SLC45A4: variants seen among roughly 807,000 people sequenced by gnomAD.
SLC45A4 encodes the protein solute carrier family 45 member 4.
In SLC45A4, 32 loss-of-function variants were observed where a neutral mutation model predicts 63.7. The ratio of observed to expected loss-of-function variants is 0.50; its 90% CI spans 0.38 to 0.67. The LOEUF (loss-of-function observed/expected upper bound fraction) is 0.67. SLC45A4 is among the 30% of genes least tolerant of loss of function. The pLI is 0.00. For synonymous variants in SLC45A4, 535 were observed against 510.0 expected (o/e 1.05, Z -0.66); for missense variants, 1,027 against 1,157.7 (o/e 0.89, Z 1.64).
chr8:141,304,374 C>A (rs973833602), intron 1 of SLC45A4, among the ~76,000 whole-genome samples: 24 of 152,086 alleles, frequency 1.6e-4, no homozygotes, highest in African/African-American at 5.8e-4. Flanking sequence ...GCCTGGCCAA[C>A]ATGGTGAAAC....
At chr8:141,296,126 T>G (rs1830540414) in intron 1 of SLC45A4, among the ~76,000 whole-genome samples, 1 of 151,820 alleles carries the variant, frequency 6.6e-6, no homozygotes, top group Non-Finnish European at 1.5e-5. Flanking sequence ...AAGCCAGGAG[T>G]TTGAGACCAG....
intron 1 of SLC45A4, among the ~76,000 whole-genome samples, chr8:141,266,242 C>T (rs552323787): frequency 2.8e-4 from 42 of 152,348 alleles, no homozygotes; most frequent in East Asian, 7.7e-4. Context: ...CCCCTACACA[C>T]GAAGCGCATG....
intron 1 of SLC45A4, among the ~76,000 whole-genome samples, chr8:141,303,244 G>A (rs1830802145): frequency 6.6e-6 from 1 of 151,412 alleles, no homozygotes; most frequent in Non-Finnish European, 1.5e-5. Flanking sequence ...CAATCTGCCC[G>A]CCTCAGCCGC....
intron 2 of SLC45A4, among the ~76,000 whole-genome samples, chr8:141,245,939 A>G (rs879832402): frequency 3.9e-5 from 6 of 152,150 alleles, no homozygotes; most frequent in Non-Finnish European, 8.8e-5. Context: ...CAACTCCTCT[A>G]CTGATGCTGA....
chr8:141,276,651 C>A (rs1246658242), intron 1 of SLC45A4, among the ~76,000 whole-genome samples: 2 of 152,184 alleles, frequency 1.3e-5, no homozygotes, highest in African/African-American at 4.8e-5. Flanking sequence ...CAGCACTGCA[C>A]TCACAGGTAT....
In SLC45A4 at chr8:141,211,221, T is replaced by C. The variant is rs1825784497; in HGVS notation, c.*351A>G. ...CAAATGGTTTAGAGACGAATCAAAG[T>C]GCAGTGAAAGTCAACGTTTCCTTCC... On this transcript the variant is annotated 3_prime_UTR_variant, in exon 9 of 9. Transcript: ENST00000517878. 1 of 435,198 alleles carries C rather than the reference T, an allele frequency of 2.3e-6. No individual in the cohort carries two copies. The highest frequency in any genetic ancestry group is 4.1e-6 in the Non-Finnish European group (1 of 246,788). 27.0% of individuals were successfully genotyped at this position (435,198 alleles called of 1,614,324 possible).
At chr8:141,272,717 C>T (rs560248079) in intron 1 of SLC45A4, among the ~76,000 whole-genome samples, 6 of 152,296 alleles carry the variant, frequency 3.9e-5, no homozygotes, top group Admixed American at 2.6e-4. Flanking sequence ...GTGGTGCTGT[C>T]CTAGGCACAC....
At chr8:141,271,951 TCA>T (rs1022493483) in intron 1 of SLC45A4, among the ~76,000 whole-genome samples, 22 of 150,368 alleles carry the variant, frequency 1.5e-4, no homozygotes, top group African/African-American at 4.7e-4. Flanking sequence ...ACACATGCAC[TCA>T]CACGTGTGCA....
chr8:141,236,583 G>T (rs143549995), intron 2 of SLC45A4, among the ~76,000 whole-genome samples: 40 of 152,308 alleles, frequency 2.6e-4, no homozygotes, highest in African/African-American at 8.9e-4. Context: ...CTATCCTTCT[G>T]TAAGATCTAA....
At chr8:141,277,728 C>T (rs1163846425) in intron 1 of SLC45A4, among the ~76,000 whole-genome samples, 1 of 152,072 alleles carries the variant, frequency 6.6e-6, no homozygotes, top group Non-Finnish European at 1.5e-5. Context: ...CAAGCTCCGC[C>T]TCCCGGGTTC....
chr8:141,227,102 A>G lies in SLC45A4; in HGVS notation c.242-5337T>C, dbSNP rs1827051230. 6.6e-6 allele frequency among the ~76,000 whole-genome samples: 1 copy of G among 152,058 alleles called. No individual in the cohort carries two copies. Among genetic ancestry groups the G allele is most frequent in the Admixed American group, 6.6e-5 (1 of 15,262 alleles). ...CATTTCCCAGCCCGGCTCCAAACAC[A>G]CACAACGCTGGGCCCAGTAAATAAG... On this transcript the variant is annotated intron_variant, in intron 2 of 8. Coordinates refer to ENST00000517878, the MANE Select transcript of SLC45A4 (RefSeq NM_001286646.2). This position sits in a 1 kb window ranked among gnomAD's most constrained non-coding sequence, Gnocchi z 4.4.
chr8:141,288,487 C>A (rs576317945), intron 1 of SLC45A4, among the ~76,000 whole-genome samples: 4 of 152,214 alleles, frequency 2.6e-5, no homozygotes, highest in Admixed American at 6.5e-5. Flanking sequence ...ATGGGGACCA[C>A]GCCTGGTTGG....
intron 2 of SLC45A4, chr8:141,226,892 C>T (rs1454218813): frequency 6.6e-6 from 1 of 152,258 alleles, no homozygotes; most frequent in Non-Finnish European, 1.5e-5. Flanking sequence ...CAGGGGACAG[C>T]TTCCTTTGTT....
rs1422688956 is a variant in SLC45A4 at position 141,272,006 on chromosome 8, AAC to A, written c.-400-17379_-400-17378del. Among the ~76,000 whole-genome samples the A allele has an allele frequency of 3.7e-4, 56 of 151,998 alleles. 1 individual carries two copies. The highest frequency in any genetic ancestry group is 4.2e-4 in the South Asian group (2 of 4,806). ...CATGCACCCATACACGTGTGCATGC[AAC>A]ACACACCTGCGTACACACATGCATT... is the stretch of plus-strand genomic sequence containing the variant. On this transcript the variant is annotated intron_variant, in intron 1 of 8. Transcript: ENST00000517878.
At chr8:141,279,945 G>T (rs191244925) in intron 1 of SLC45A4, among the ~76,000 whole-genome samples, 2 of 152,216 alleles carry the variant, frequency 1.3e-5, no homozygotes, top group African/African-American at 4.8e-5. Context: ...CTTGGGACTC[G>T]CCTACATGAG....
At chr8:141,219,604 G>C (rs763599198) in intron 4 of SLC45A4, 46 bp downstream of exon 4, 1 of 1,562,446 alleles carries the variant, frequency 6.4e-7, no homozygotes, top group East Asian at 2.3e-5. Context: ...CACCAGGCCC[G>C]GGCACGTTGG....
At chr8:141,221,439 G>A (rs1826624137) in intron 3 of SLC45A4, 138 bp downstream of exon 3, 11 of 1,107,792 alleles carry the variant, frequency 9.9e-6, no homozygotes, top group Non-Finnish European at 1.4e-5. Context: ...CACCGCCAGG[G>A]TGGCCCCGGC....
At chr8:141,224,452 G>GTTTTGTTTT (rs71276846) in intron 2 of SLC45A4, 2 of 151,866 alleles carry the variant, frequency 1.3e-5, no homozygotes, top group Non-Finnish European at 2.9e-5. Context: ...TGAGTTTTTT[G>GTTTTGTTTT]GTTTTGTTTT....
intron 2 of SLC45A4, among the ~76,000 whole-genome samples, chr8:141,252,099 A>G (rs1431806074): frequency 1.3e-5 from 2 of 150,916 alleles, no homozygotes; most frequent in African/African-American, 2.4e-5. Context: ...TTACCATGCA[A>G]TATGTTGAAT....
Sources: gnomAD v4.1 joint callset for allele counts (sites outside exome capture counted in the v4.1 genomes callset) on GRCh38, gnomAD v4.1.1 for gene constraint, Gnocchi (gnomAD v3.1) non-coding constraint, MANE v1.5 for transcripts, NCBI Gene and HGNC (gene_info 2026-07-23, HGNC 2026-07-21) for gene names.